NRG3: variants seen among roughly 807,000 people sequenced by gnomAD.
NRG3 encodes pro-neuregulin-3, membrane-bound isoform.
NRG3 carries 31 observed loss-of-function variants against 66.9 expected under a neutral mutation model. The ratio of observed to expected loss-of-function variants is 0.46; its 90% confidence interval spans 0.35 to 0.63. NRG3 has a LOEUF of 0.63. NRG3 is among the 20% of genes least tolerant of loss of function. NRG3 has a pLI of 0.00. For missense variants in NRG3, 910 were observed against 878.9 expected (o/e 1.04, Z -0.45); for synonymous variants, 393 against 359.4 (o/e 1.09, Z -1.06).
chr10:82,556,487 G>A (rs758463579), intron 2 of NRG3, among the ~76,000 whole-genome samples: 1 of 152,062 alleles, frequency 6.6e-6, no homozygotes, highest in African/African-American at 2.4e-5. Context: ...GGGCATGTGA[G>A]CTGCATTGGC....
chr10:82,294,562 A>G (rs927829275), intron 1 of NRG3, among the ~76,000 whole-genome samples: 2 of 152,060 alleles, frequency 1.3e-5, no homozygotes, highest in Admixed American at 1.3e-4. Flanking sequence ...TCCTTAAGGA[A>G]GTGTTTGATC....
At chr10:82,374,749 AC>A (rs1016667471) in intron 2 of NRG3, among the ~76,000 whole-genome samples, 1 of 151,906 alleles carries the variant, frequency 6.6e-6, no homozygotes, top group Non-Finnish European at 1.5e-5. Flanking sequence ...TCACAATAGG[AC>A]CCTTATTCCC....
At chr10:82,812,600 A>T (rs2061535249) in intron 3 of NRG3, among the ~76,000 whole-genome samples, 1 of 152,212 alleles carries the variant, frequency 6.6e-6, no homozygotes, top group African/African-American at 2.4e-5. Flanking sequence ...CAACACTGCT[A>T]AAAACCACAT....
chr10:81,926,667 A>G (rs899617915), intron 1 of NRG3, among the ~76,000 whole-genome samples: 3 of 152,180 alleles, frequency 2.0e-5, no homozygotes, highest in African/African-American at 7.2e-5. Context: ...AGTCCTACTT[A>G]TTAACCCTGC....
At chr10:82,550,885 G>A (rs1554960463) in intron 2 of NRG3, among the ~76,000 whole-genome samples, 1 of 152,052 alleles carries the variant, frequency 6.6e-6, no homozygotes, top group Non-Finnish European at 1.5e-5. Context: ...CAGAAATACA[G>A]AAGAAATGTA....
chr10:81,881,403 A>G (rs944510820), intron 1 of NRG3, among the ~76,000 whole-genome samples: 2 of 152,188 alleles, frequency 1.3e-5, no homozygotes, highest in Non-Finnish European at 2.9e-5. Flanking sequence ...TTGGTGATTT[A>G]AAACAATAAT....
chr10:82,290,511 A>C (rs2079662815), intron 1 of NRG3, among the ~76,000 whole-genome samples: 1 of 152,186 alleles, frequency 6.6e-6, no homozygotes, highest in Admixed American at 6.5e-5. Context: ...TGAACCCTAA[A>C]TAAAGCTGAA....
chr10:82,956,065 A>G (rs1850017249), intron 5 of NRG3, among the ~76,000 whole-genome samples: 1 of 151,832 alleles, frequency 6.6e-6, no homozygotes, highest in Admixed American at 6.6e-5. Flanking sequence ...TGATACCAAG[A>G]GCTCTCCTTA....
intron 2 of NRG3, among the ~76,000 whole-genome samples, chr10:82,670,259 TC>T (rs1232775642): frequency 2.6e-5 from 4 of 152,088 alleles, no homozygotes; most frequent in Admixed American, 6.6e-5. Flanking sequence ...CTGTTTTTTT[TC>T]TATCTCTCCC....
chr10:82,765,172 T>C (rs1055773717), intron 3 of NRG3, among the ~76,000 whole-genome samples: 2 of 151,970 alleles, frequency 1.3e-5, no homozygotes, highest in Admixed American at 6.6e-5. Context: ...CAATAGAAAA[T>C]AAAGAAGACA....
intron 1 of NRG3, among the ~76,000 whole-genome samples, chr10:82,312,761 A>G (rs1332101177): frequency 2.0e-5 from 3 of 151,678 alleles, no homozygotes; most frequent in Non-Finnish European, 2.9e-5. Context: ...ATAAATTACA[A>G]CTCCCTTAGA....
chr10:82,430,855 G>A (rs753977730), intron 2 of NRG3, among the ~76,000 whole-genome samples: 1 of 152,070 alleles, frequency 6.6e-6, no homozygotes, highest in Non-Finnish European at 1.5e-5. Flanking sequence ...TACTTGTGCT[G>A]GGGATGACTT....
chr10:82,733,137 A>G (rs1463404170), intron 2 of NRG3, among the ~76,000 whole-genome samples: 1 of 152,252 alleles, frequency 6.6e-6, no homozygotes, highest in Non-Finnish European at 1.5e-5. Context: ...GTCTAAAATC[A>G]AGGTCCAAAG....
At chr10:82,253,677 A>G (rs957265869) in intron 1 of NRG3, among the ~76,000 whole-genome samples, 4 of 152,186 alleles carry the variant, frequency 2.6e-5, no homozygotes, top group African/African-American at 9.6e-5. Context: ...ACCACACATA[A>G]GTCAAAATAA....
chr10:82,219,659 T>C (rs975410371), intron 1 of NRG3, among the ~76,000 whole-genome samples: 1 of 152,142 alleles, frequency 6.6e-6, no homozygotes, highest in Non-Finnish European at 1.5e-5. Flanking sequence ...TAATTGGAAT[T>C]AATATTTGTT....
intron 4 of NRG3, among the ~76,000 whole-genome samples, chr10:82,926,088 A>T (rs1207814415): frequency 1.3e-5 from 2 of 152,230 alleles, no homozygotes; most frequent in Non-Finnish European, 2.9e-5. Flanking sequence ...GCATCCATGG[A>T]TTCAACCAAC....
Position 82,366,958 on chromosome 10 carries a change from C to T in NRG3, c.953+8090C>T, listed in dbSNP as rs1318100617. On this transcript the variant is annotated intron_variant, in intron 2 of 8. Coordinates refer to ENST00000372141, the MANE Select transcript of NRG3 (RefSeq NM_001010848.4). The stretch of plus-strand genomic sequence containing the variant: ...ATTTAAAAGGAACATTTTTTAAACG[C>T]AGGATATGTTAGCAGCGAATATGGA... Among the ~76,000 whole-genome samples, 3 of 152,098 alleles carry T rather than the reference C, an allele frequency of 2.0e-5. No homozygotes were observed. The East Asian group carries it at 5.8e-4, about 29-fold the overall frequency.
chr10:82,721,304 T>C (rs1021664267), intron 2 of NRG3, among the ~76,000 whole-genome samples: 5 of 150,408 alleles, frequency 3.3e-5, no homozygotes, highest in African/African-American at 1.2e-4. Flanking sequence ...GCTAATTTTT[T>C]GTATTTTTTT....
chr10:82,473,420 C>T (rs1841460123), intron 2 of NRG3, among the ~76,000 whole-genome samples: 1 of 152,194 alleles, frequency 6.6e-6, no homozygotes, highest in South Asian at 2.1e-4. Flanking sequence ...AAAGAGTCAA[C>T]AGACTGGTGT....
Sources: allele counts gnomAD v4.1 joint callset (sites outside exome capture counted in the v4.1 genomes callset), GRCh38; gene constraint gnomAD v4.1.1; transcripts MANE v1.5; gene names NCBI Gene and HGNC (gene_info 2026-07-23, HGNC 2026-07-21).